FHIT: variants seen among roughly 807,000 people sequenced by gnomAD.
FHIT encodes fragile histidine triad diadenosine triphosphatase, also known as bis(5'-adenosyl)-triphosphatase.
Under a neutral mutation model 17.9 loss-of-function variants are expected in FHIT, and 19 were observed. The observed-to-expected ratio is 1.06, with a 90% CI of 0.74 to 1.56. The LOEUF is 1.56. FHIT is among the 40% of genes most tolerant of loss of function. The pLI, the probability that FHIT is intolerant of heterozygous loss-of-function variation, is 0.00. For synonymous variants in FHIT, 81 were observed against 69.7 expected (o/e 1.16, Z -0.81); for missense variants, 248 against 189.2 (o/e 1.31, Z -1.82).
chr3:60,004,134 C>T (rs1001402246), intron 7 of FHIT, among the ~76,000 whole-genome samples: 2 of 152,104 alleles, frequency 1.3e-5, no homozygotes, highest in South Asian at 2.1e-4. Flanking sequence ...TGAATAATAA[C>T]GCCTTACATT....
intron 2 of FHIT, among the ~76,000 whole-genome samples, chr3:61,077,855 A>G (rs2035018146): frequency 6.6e-6 from 1 of 152,080 alleles, no homozygotes. Flanking sequence ...CATAGCAACT[A>G]CTCAATAAAT....
intron 5 of FHIT, among the ~76,000 whole-genome samples, chr3:60,438,691 T>A (rs112938274): frequency 3.2e-4 from 48 of 152,138 alleles, no homozygotes; most frequent in African/African-American, 1.1e-3. Context: ...CTATTCCTGT[T>A]TAATAATCAA....
At chr3:59,758,244 C>G (rs1192537781) in intron 8 of FHIT, among the ~76,000 whole-genome samples, 1 of 152,176 alleles carries the variant, frequency 6.6e-6, no homozygotes, top group Non-Finnish European at 1.5e-5. Context: ...GATGCGAGTA[C>G]CAGTTCCCCA....
chr3:60,682,285 A>C (rs1436754411), intron 4 of FHIT, among the ~76,000 whole-genome samples: 1 of 152,072 alleles, frequency 6.6e-6, no homozygotes, highest in African/African-American at 2.4e-5. Context: ...GCAGATTTTC[A>C]AGAGAGATGA....
At chr3:60,836,306 AGT>A (rs1702539193) in intron 3 of FHIT, among the ~76,000 whole-genome samples, 1 of 152,156 alleles carries the variant, frequency 6.6e-6, no homozygotes, top group Non-Finnish European at 1.5e-5. Context: ...TGAATTGCGA[AGT>A]GTTCTCTCCT....
At chr3:60,069,802 T>A (rs535700560) in intron 5 of FHIT, among the ~76,000 whole-genome samples, 1 of 152,272 alleles carries the variant, frequency 6.6e-6, no homozygotes, top group South Asian at 2.1e-4. Flanking sequence ...ATACTTTCCA[T>A]CCTTAGAGGG....
chr3:60,414,694 A>C (rs1702179691), intron 5 of FHIT, among the ~76,000 whole-genome samples: 1 of 152,206 alleles, frequency 6.6e-6, no homozygotes, highest in South Asian at 2.1e-4. Flanking sequence ...AGAGAAGATA[A>C]AAGAGATCAA....
intron 5 of FHIT, among the ~76,000 whole-genome samples, chr3:60,322,809 C>T (rs971149611): frequency 6.6e-6 from 1 of 152,074 alleles, no homozygotes. Context: ...CCTTGATTAT[C>T]ACATTACAAA....
At chr3:59,752,369 C>G in intron 8 of FHIT, 48 bp from the exon 9 acceptor site, 1 of 1,472,686 alleles carries the variant, frequency 6.8e-7, no homozygotes, top group Non-Finnish European at 9.3e-7. Flanking sequence ...CCCTTGGGAT[C>G]TCCTTGAACA....
At chr3:60,581,022 C>G (rs1230825077) in intron 4 of FHIT, among the ~76,000 whole-genome samples, 3 of 152,012 alleles carry the variant, frequency 2.0e-5, no homozygotes, top group African/African-American at 7.2e-5. Flanking sequence ...AATAGGATTC[C>G]AGGTGGTGCT....
rs869239307 is a variant in FHIT, at chr3:60,976,096, C to CTTTTTTTTTTTTTTTTTTTTTTTT, written c.-111+65927_-111+65950dup. On this transcript the variant is annotated intron_variant, in intron 3 of 9. Coordinates refer to ENST00000492590, the MANE Select transcript of FHIT (RefSeq NM_002012.4). ...CTTTGTATCTTTCGTTTTTCTTTTT[C>CTTTTTTTTTTTTTTTTTTTTTTTT]TTTTTTTTTTTTTTTTTTTTTTTTT... is the stretch of plus-strand genomic sequence containing the variant. Among the ~76,000 whole-genome samples, 125 of 66,790 alleles carry CTTTTTTTTTTTTTTTTTTTTTTTT rather than the reference C, an allele frequency of 1.9e-3. 16 individuals carry two copies. Among genetic ancestry groups the CTTTTTTTTTTTTTTTTTTTTTTTT allele is most frequent in the Admixed American group, 2.6e-3 (12 of 4,648 alleles). The allele number at this position is 66,790 out of a possible 152,430, so 43.8% of individuals were successfully genotyped here.
At chr3:60,920,061 C>T (rs1707202212) in intron 3 of FHIT, among the ~76,000 whole-genome samples, 3 of 151,748 alleles carry the variant, frequency 2.0e-5, no homozygotes, top group Admixed American at 2.0e-4. Flanking sequence ...GTGCATATAG[C>T]ATGGACTTAA....
At chr3:60,124,266 C>A (rs1705437953) in intron 5 of FHIT, among the ~76,000 whole-genome samples, 1 of 151,570 alleles carries the variant, frequency 6.6e-6, no homozygotes, top group Non-Finnish European at 1.5e-5. Flanking sequence ...AGACACCAGA[C>A]CAGTTTGAAG....
In FHIT at chr3:60,741,608, C is replaced by T. The variant is rs145575319; in HGVS notation, c.-18+80311G>A. Among the ~76,000 whole-genome samples the T allele has an allele frequency of 6.6e-5, 10 of 152,300 alleles. 1 individual carries two copies. The highest frequency in any genetic ancestry group is 1.9e-4 in the African/African-American group (8 of 41,562). On this transcript the variant is annotated intron_variant, in intron 4 of 9. Coordinates refer to ENST00000492590, the MANE Select transcript of FHIT (RefSeq NM_002012.4). Reference sequence around the variant, plus strand: ...CCAGGCATATTGACTTTGTAACATTCCCCCCAGGCACTTCAAGTCCAGTTT... The same window carrying T: ...CCAGGCATATTGACTTTGTAACATTTCCCCCAGGCACTTCAAGTCCAGTTT...
chr3:60,453,981 T>C (rs569385244), intron 5 of FHIT, among the ~76,000 whole-genome samples: 1 of 152,038 alleles, frequency 6.6e-6, no homozygotes, highest in South Asian at 2.1e-4. Context: ...AAAAATAACC[T>C]AAGCATTGTT....
chr3:59,754,261 T>C (rs1484304529), intron 8 of FHIT, among the ~76,000 whole-genome samples: 2 of 152,184 alleles, frequency 1.3e-5, no homozygotes, highest in Non-Finnish European at 2.9e-5. Flanking sequence ...GGGCCACAGA[T>C]ACATTTATGA....
chr3:61,206,845 C>G (rs998108669), intron 1 of FHIT, among the ~76,000 whole-genome samples: 2 of 152,142 alleles, frequency 1.3e-5, no homozygotes, highest in African/African-American at 4.8e-5. Flanking sequence ...GACAGAACTT[C>G]CAACACTATA....
intron 3 of FHIT, among the ~76,000 whole-genome samples, chr3:60,959,685 ATG>A (rs781794937): frequency 6.6e-6 from 1 of 152,112 alleles, no homozygotes; most frequent in Non-Finnish European, 1.5e-5. Context: ...GGGAACAAGA[ATG>A]TGCAAATGCT....
chr3:60,475,096 C>A (rs4393860), intron 5 of FHIT, among the ~76,000 whole-genome samples: 1 of 144,024 alleles, frequency 6.9e-6, no homozygotes, highest in Admixed American at 6.7e-5. Context: ...TGGGGGAAAA[C>A]GAAAAACTCT....
Sources: allele counts gnomAD v4.1 joint callset (sites outside exome capture counted in the v4.1 genomes callset), GRCh38; gene constraint gnomAD v4.1.1; transcripts MANE v1.5; gene names NCBI Gene and HGNC (gene_info 2026-07-23, HGNC 2026-07-21).